NPFFR2: variants seen among roughly 807,000 people sequenced by gnomAD.
The protein encoded by NPFFR2 is neuropeptide FF receptor 2.
Under a neutral mutation model 13.1 loss-of-function variants are expected in NPFFR2, and 15 were observed. The observed-to-expected ratio is 1.15, with a 90% CI of 0.77 to 1.76. The LOEUF (loss-of-function observed/expected upper bound fraction) is 1.76, where lower values mean the gene tolerates loss of function less well. Ranked by LOEUF, NPFFR2 falls within the 40% of genes most tolerant of loss-of-function variation. The pLI is 0.00. For missense variants in NPFFR2, 572 were observed against 503.5 expected, an observed-to-expected ratio of 1.14 and a Z score of -1.30; for synonymous variants, 190 against 175.7, an observed-to-expected ratio of 1.08 and a Z score of -0.65.
chr4:72,146,875 A>G lies in NPFFR2; in HGVS notation c.429-103A>G, dbSNP rs552964483. 134 of 733,030 alleles carry G rather than the reference A, an allele frequency of 1.8e-4. 1 individual carries two copies. The African/African-American group carries it at 2.2e-3, about 12-fold the overall frequency. The allele number at this position is 733,030 out of a possible 1,614,324, so 45.4% of individuals were successfully genotyped here. ...ATGGTAACTTTCTATATTTTTGAGGAGACTGTAGGGTGAGAGGCCTGTAAC... is the reference window on the plus strand; with the variant it reads ...ATGGTAACTTTCTATATTTTTGAGGGGACTGTAGGGTGAGAGGCCTGTAAC... On this transcript the variant is annotated intron_variant, in intron 3 of 3. Coordinates refer to ENST00000308744, the MANE Select transcript of NPFFR2 (RefSeq NM_004885.3).
intron 1 of NPFFR2, among the ~76,000 whole-genome samples, chr4:72,128,037 C>T (rs1419274657): frequency 2.0e-5 from 3 of 152,094 alleles, no homozygotes; most frequent in Non-Finnish European, 2.9e-5. Context: ...TGAGATGGTG[C>T]CACTGCACTC....
At chr4:72,042,558 G>A in intron 1 of NPFFR2, among the ~76,000 whole-genome samples, 1 of 152,180 alleles carries the variant, frequency 6.6e-6, no homozygotes, top group Non-Finnish European at 1.5e-5. Flanking sequence ...TGACCAAAAT[G>A]CTGATAGTGA....
At chr4:72,097,303 T>G (rs4129733) in intron 1 of NPFFR2, among the ~76,000 whole-genome samples, 39,473 of 152,020 alleles carry the variant, frequency 0.26, 6,298 homozygotes, top group Admixed American at 0.35. Context: ...TACATGAAAT[T>G]TTCCAAGACT....
chr4:72,115,852 A>C (rs1262496421), intron 1 of NPFFR2, among the ~76,000 whole-genome samples: 1 of 152,146 alleles, frequency 6.6e-6, no homozygotes, highest in Admixed American at 6.6e-5. Flanking sequence ...TTTAGACTTC[A>C]TAAAAGGTAT....
intron 1 of NPFFR2, among the ~76,000 whole-genome samples, chr4:72,057,344 T>A (rs1196174952): frequency 6.6e-6 from 1 of 151,932 alleles, no homozygotes; most frequent in African/African-American, 2.4e-5. Flanking sequence ...TTTCTCACAG[T>A]TCCAGAGGCC....
chr4:72,125,896 G>T (rs959745504), intron 1 of NPFFR2, among the ~76,000 whole-genome samples: 1 of 152,160 alleles, frequency 6.6e-6, no homozygotes. Flanking sequence ...TGGAGATTTG[G>T]ACAGAGACAC....
At chr4:72,130,050 C>G (rs568510201) in intron 2 of NPFFR2, among the ~76,000 whole-genome samples, 1 of 146,074 alleles carries the variant, frequency 6.8e-6, no homozygotes, top group East Asian at 2.0e-4. Flanking sequence ...TCAGAGAGCA[C>G]GGGGTTGGGG....
intron 1 of NPFFR2, among the ~76,000 whole-genome samples, chr4:72,042,390 T>A (rs1310579517): frequency 6.6e-6 from 1 of 152,178 alleles, no homozygotes; most frequent in Non-Finnish European, 1.5e-5. Context: ...TAGAGTATAT[T>A]AATATCCAGA....
At chr4:72,091,259 A>G (rs756905999) in intron 1 of NPFFR2, among the ~76,000 whole-genome samples, 1 of 152,022 alleles carries the variant, frequency 6.6e-6, no homozygotes, top group Non-Finnish European at 1.5e-5. Flanking sequence ...GGATTTTTGC[A>G]TGTGTGTTCA....
intron 1 of NPFFR2, among the ~76,000 whole-genome samples, chr4:72,110,866 T>G (rs78314493): frequency 0.018 from 2,715 of 152,072 alleles, 86 homozygotes; most frequent in African/African-American, 0.062. Flanking sequence ...TTTCTTCTGC[T>G]CAGAGCCTCT....
At chr4:72,131,377 A>G (rs535578878) in intron 2 of NPFFR2, among the ~76,000 whole-genome samples, 1 of 143,626 alleles carries the variant, frequency 7.0e-6, no homozygotes, top group African/African-American at 2.6e-5. Context: ...ATTCTCACTC[A>G]TAGGTGGGAA....
At chr4:72,118,925 G>A (rs55869338) in intron 1 of NPFFR2, among the ~76,000 whole-genome samples, 2,379 of 152,046 alleles carry the variant, frequency 0.016, 66 homozygotes, top group African/African-American at 0.054. Context: ...TGAAAGATAG[G>A]ATATAGCATA....
intron 1 of NPFFR2, among the ~76,000 whole-genome samples, chr4:72,057,816 C>A (rs907805354): frequency 1.3e-5 from 2 of 151,924 alleles, no homozygotes; most frequent in African/African-American, 2.4e-5. Flanking sequence ...AGGTCAATGT[C>A]ATCAATAGTA....
chr4:72,046,183 AT>A (rs1436120440), intron 1 of NPFFR2, among the ~76,000 whole-genome samples: 8 of 152,198 alleles, frequency 5.3e-5, no homozygotes, highest in Non-Finnish European at 1.2e-4. Flanking sequence ...ATAGTTACTT[AT>A]ACTTTTCCTG....
chr4:72,071,600 C>CACAAA (rs1720258500), intron 1 of NPFFR2, among the ~76,000 whole-genome samples: 2 of 152,082 alleles, frequency 1.3e-5, no homozygotes, highest in South Asian at 4.1e-4. Context: ...CAACTCTTGG[C>CACAAA]ACAAAACCAT....
At chr4:72,047,523 G>A (rs1422643172) in intron 1 of NPFFR2, among the ~76,000 whole-genome samples, 1 of 152,106 alleles carries the variant, frequency 6.6e-6, no homozygotes, top group African/African-American at 2.4e-5. Flanking sequence ...AAGTGGGCAT[G>A]CCCAGTCAGG....
At chr4:72,065,643 A>G (rs377206537) in intron 1 of NPFFR2, among the ~76,000 whole-genome samples, 15 of 152,188 alleles carry the variant, frequency 9.9e-5, no homozygotes, top group African/African-American at 3.4e-4. Context: ...TTTATTTGCT[A>G]TTCATTAAAT....
chr4:72,060,359 C>A (rs375348289), intron 1 of NPFFR2, among the ~76,000 whole-genome samples: 40 of 152,150 alleles, frequency 2.6e-4, no homozygotes, highest in African/African-American at 9.2e-4. Flanking sequence ...GAACCTCTTT[C>A]AATGACACCA....
At chr4:72,070,092 C>T (rs1057321885) in intron 1 of NPFFR2, among the ~76,000 whole-genome samples, 8 of 152,108 alleles carry the variant, frequency 5.3e-5, no homozygotes, top group Non-Finnish European at 2.9e-5. Context: ...GTAATTTACT[C>T]AAGGTCTCAC....
Sources: allele counts gnomAD v4.1 joint callset (sites outside exome capture counted in the v4.1 genomes callset), GRCh38; gene constraint gnomAD v4.1.1; transcripts MANE v1.5; gene names NCBI Gene and HGNC (gene_info 2026-07-23, HGNC 2026-07-21).